PIP5K1B: variants seen among roughly 807,000 people sequenced by gnomAD.
The protein encoded by PIP5K1B is phosphatidylinositol 4-phosphate 5-kinase type-1 beta.
PIP5K1B carries 42 observed loss-of-function variants against 67.0 expected under a neutral mutation model. The ratio of observed to expected loss-of-function variants is 0.63; its 90% CI spans 0.49 to 0.81. The LOEUF is 0.81. Ranked by LOEUF, PIP5K1B falls within the 30% of genes least tolerant of loss-of-function variation. PIP5K1B has a pLI of 0.00. For missense variants in PIP5K1B, 459 were observed against 646.3 expected (o/e 0.71, Z 3.14); for synonymous variants, 214 against 231.4 (o/e 0.92, Z 0.68).
chr9:68,761,605 C>A (rs924931972), intron 2 of PIP5K1B, among the ~76,000 whole-genome samples: 5 of 152,182 alleles, frequency 3.3e-5, no homozygotes, highest in East Asian at 3.9e-4. Flanking sequence ...GGGAAGAATT[C>A]CTCTTCTTGC....
intron 1 of PIP5K1B, among the ~76,000 whole-genome samples, chr9:68,723,806 A>G (rs1410319860): frequency 1.4e-5 from 2 of 141,286 alleles, no homozygotes; most frequent in East Asian, 4.2e-4. Flanking sequence ...ATTTTCTCCC[A>G]TTCTTTAGGT....
rs115961372 is a variant in PIP5K1B at position 68,922,493 on chromosome 9, A to C, written c.1117-809A>C. Among the ~76,000 whole-genome samples the C allele has an allele frequency of 9.8e-3, 1,088 of 111,562 alleles. 10 individuals carry two copies. Among genetic ancestry groups the C allele is most frequent in the African/African-American group, 0.031 (1,023 of 32,992 alleles). 73.2% of individuals were successfully genotyped at this position (111,562 alleles called of 152,430 possible). A position where few individuals can be genotyped will look rare whatever the true frequency, so the allele number is the denominator to read the frequency against. On this transcript the variant is annotated intron_variant, in intron 11 of 15. Transcript: ENST00000265382. ...AAGAAATTTCTCTATTGGAATCCAT[A>C]AGCCTGAATTCAAAATGAAGCATTA...
intron 2 of PIP5K1B, among the ~76,000 whole-genome samples, chr9:68,816,372 G>A (rs781523587): frequency 6.6e-4 from 101 of 152,064 alleles, no homozygotes; most frequent in Non-Finnish European, 1.1e-3. Flanking sequence ...CAGGTGATCC[G>A]CCCACCTCCG....
chr9:68,712,958 G>GCCT (rs1827461521), intron 1 of PIP5K1B, among the ~76,000 whole-genome samples: 1 of 152,140 alleles, frequency 6.6e-6, no homozygotes. Context: ...TTCCTATGAT[G>GCCT]CCTCACATAA....
chr9:68,856,581 A>G (rs545650920), intron 4 of PIP5K1B, among the ~76,000 whole-genome samples: 2 of 152,126 alleles, frequency 1.3e-5, no homozygotes, highest in Non-Finnish European at 2.9e-5. Flanking sequence ...GTCTTTATGC[A>G]TGTGTATCTT....
At chr9:68,958,047 G>A (rs1205335059) in intron 14 of PIP5K1B, among the ~76,000 whole-genome samples, 1 of 151,684 alleles carries the variant, frequency 6.6e-6, no homozygotes, top group Non-Finnish European at 1.5e-5. Flanking sequence ...TAATTTTTGT[G>A]TTTTTTGTAG....
chr9:68,905,567 T>C lies in PIP5K1B; in HGVS notation c.771+10929T>C, dbSNP rs1251634335. On this transcript the variant is annotated intron_variant, in intron 8 of 15. Transcript: ENST00000265382. ...AAGGCATATTTGAGAGTTTCCAAGGTCTAGGAAAATATTACAAAGTTTAAA... is the reference window on the plus strand; with the variant it reads ...AAGGCATATTTGAGAGTTTCCAAGGCCTAGGAAAATATTACAAAGTTTAAA... 6.6e-5 allele frequency among the ~76,000 whole-genome samples: 10 copies of C among 152,216 alleles called. No homozygotes were observed. The South Asian group carries it at 1.5e-3, about 22-fold the overall frequency.
intron 4 of PIP5K1B, among the ~76,000 whole-genome samples, chr9:68,860,798 A>T (rs2132249894): frequency 6.6e-6 from 1 of 152,338 alleles, no homozygotes; most frequent in Non-Finnish European, 1.5e-5. Context: ...ATTCTGATTT[A>T]GAGACAGTGG....
intron 12 of PIP5K1B, among the ~76,000 whole-genome samples, chr9:68,927,439 G>T (rs1826770107): frequency 6.6e-6 from 1 of 152,110 alleles, no homozygotes; most frequent in Non-Finnish European, 1.5e-5. Flanking sequence ...ATATGTTATT[G>T]CCTGTCTTTT....
chr9:68,930,035 G>A lies in PIP5K1B; in HGVS notation c.1202-4855G>A, dbSNP rs147308301. 4.0e-3 allele frequency among the ~76,000 whole-genome samples: 615 copies of A among 152,278 alleles called. 1 individual carries two copies. The highest frequency in any genetic ancestry group is 6.6e-3 in the Non-Finnish European group (446 of 68,030). ...TGATAGCAGTTCTCTGTGAAATAAC[G>A]CTCTTCGCTTGTCTTTCGTAACTCA... On this transcript the variant is annotated intron_variant, in intron 12 of 15. Coordinates refer to ENST00000265382, the MANE Select transcript of PIP5K1B (RefSeq NM_003558.4).
chr9:68,997,991 G>A (rs533303174), intron 15 of PIP5K1B, among the ~76,000 whole-genome samples: 1 of 151,522 alleles, frequency 6.6e-6, no homozygotes, highest in South Asian at 2.1e-4. Flanking sequence ...TTTTCTGTTA[G>A]GTCCTAGCTT....
At chr9:68,877,466 T>C (rs1823954323) in intron 6 of PIP5K1B, among the ~76,000 whole-genome samples, 1 of 152,210 alleles carries the variant, frequency 6.6e-6, no homozygotes, top group Non-Finnish European at 1.5e-5. Flanking sequence ...GTTTGTTTCA[T>C]AATTTGATCA....
intron 15 of PIP5K1B, among the ~76,000 whole-genome samples, chr9:69,007,595 C>G (rs147092280): frequency 6.6e-6 from 1 of 152,154 alleles, no homozygotes; most frequent in Non-Finnish European, 1.5e-5. Flanking sequence ...AGGTGGCTCA[C>G]GCCTGTAATC....
intron 15 of PIP5K1B, among the ~76,000 whole-genome samples, chr9:68,997,062 G>A (rs923164812): frequency 2.0e-5 from 3 of 152,242 alleles, no homozygotes; most frequent in Non-Finnish European, 4.4e-5. Context: ...TTAGCGCTCT[G>A]ATGGGCAGCT....
At chr9:68,872,035 C>T (rs995644648) in intron 5 of PIP5K1B, among the ~76,000 whole-genome samples, 1 of 152,080 alleles carries the variant, frequency 6.6e-6, no homozygotes, top group Non-Finnish European at 1.5e-5. Flanking sequence ...CACAGTTACT[C>T]AACAGGTAAC....
chr9:68,791,923 G>A (rs1403164135), intron 2 of PIP5K1B, among the ~76,000 whole-genome samples: 1 of 152,138 alleles, frequency 6.6e-6, no homozygotes, highest in Non-Finnish European at 1.5e-5. Flanking sequence ...TTCTGTATAT[G>A]CTTACTGGCT....
At chr9:68,775,281 C>T (rs1830861596) in intron 2 of PIP5K1B, among the ~76,000 whole-genome samples, 1 of 152,214 alleles carries the variant, frequency 6.6e-6, no homozygotes, top group Non-Finnish European at 1.5e-5. Flanking sequence ...TCCTTCTTCA[C>T]AACTTCATGG....
At chr9:68,778,003 G>A (rs1169230108) in intron 2 of PIP5K1B, among the ~76,000 whole-genome samples, 1 of 152,134 alleles carries the variant, frequency 6.6e-6, no homozygotes, top group Non-Finnish European at 1.5e-5. Context: ...AGGTTCTGTT[G>A]TTGCCTTGTC....
chr9:68,901,750 T>C (rs937036817), intron 8 of PIP5K1B, among the ~76,000 whole-genome samples: 1 of 152,222 alleles, frequency 6.6e-6, no homozygotes, highest in Non-Finnish European at 1.5e-5. Flanking sequence ...TTGTTCGAGT[T>C]GGAAGGAATC....
Sources: allele counts gnomAD v4.1 joint callset (sites outside exome capture counted in the v4.1 genomes callset), GRCh38; gene constraint gnomAD v4.1.1; transcripts MANE v1.5; gene names NCBI Gene and HGNC (gene_info 2026-07-23, HGNC 2026-07-21).